Variants in NAALADL2 observed in about 807,000 individuals in gnomAD.
The protein encoded by NAALADL2 is N-acetylated alpha-linked acidic dipeptidase like 2.
NAALADL2 carries 76 observed loss-of-function variants against 87.2 expected under a neutral mutation model. The observed-to-expected ratio is 0.87, with a 90% CI of 0.72 to 1.05. The LOEUF is 1.05. NAALADL2 is among the 50% of genes least tolerant of loss of function. NAALADL2 has a pLI of 0.00. For synonymous variants in NAALADL2, 354 were observed against 331.0 expected, an observed-to-expected ratio of 1.07 and a Z score of -0.75; for missense variants, 1,089 against 945.8, an observed-to-expected ratio of 1.15 and a Z score of -1.99.
chr3:175,087,772 A>G (rs9813064), intron 1 of NAALADL2, among the ~76,000 whole-genome samples: 28,142 of 151,342 alleles, frequency 0.19, 2,649 homozygotes, highest in East Asian at 0.32. Flanking sequence ...AAACACTGCA[A>G]AAGGCCGCAG....
chr3:175,137,238 A>G (rs1471969286), intron 2 of NAALADL2, among the ~76,000 whole-genome samples: 1 of 152,188 alleles, frequency 6.6e-6, no homozygotes, highest in Non-Finnish European at 1.5e-5. Context: ...TACCATAATT[A>G]GCACATTGAT....
chr3:175,209,756 A>G (rs1741489761), intron 2 of NAALADL2, among the ~76,000 whole-genome samples: 1 of 151,854 alleles, frequency 6.6e-6, no homozygotes, highest in South Asian at 2.1e-4. Context: ...GAAGGTCCTC[A>G]TAAATGATGG....
At chr3:175,345,686 G>A (rs1763081892) in intron 5 of NAALADL2, among the ~76,000 whole-genome samples, 1 of 152,108 alleles carries the variant, frequency 6.6e-6, no homozygotes, top group African/African-American at 2.4e-5. Flanking sequence ...GTCTATTTGG[G>A]CAAAGAGAAG....
chr3:174,569,061 A>G (rs1714622674), intron 2 of NAALADL2, among the ~76,000 whole-genome samples: 1 of 151,612 alleles, frequency 6.6e-6, no homozygotes, highest in Non-Finnish European at 1.5e-5. Flanking sequence ...TGAATTTTTC[A>G]AAATTTCAGC....
intron 6 of NAALADL2, among the ~76,000 whole-genome samples, chr3:175,462,687 C>T (rs1723323857): frequency 6.6e-6 from 1 of 152,174 alleles, no homozygotes; most frequent in South Asian, 2.1e-4. Context: ...GGGATTAACA[C>T]ATTTCATCTC....
intron 1 of NAALADL2, among the ~76,000 whole-genome samples, chr3:174,909,449 A>G (rs1733399491): frequency 6.6e-6 from 1 of 152,132 alleles, no homozygotes; most frequent in East Asian, 1.9e-4. Context: ...CAAACTCATG[A>G]TCATATATTT....
chr3:175,303,021 A>T (rs984246852), intron 4 of NAALADL2, among the ~76,000 whole-genome samples: 10 of 152,172 alleles, frequency 6.6e-5, no homozygotes, highest in African/African-American at 2.4e-4. Context: ...ATTGACAGGT[A>T]CAATGAATAA....
At chr3:175,201,111 T>C (rs1010064848) in intron 2 of NAALADL2, among the ~76,000 whole-genome samples, 1 of 152,206 alleles carries the variant, frequency 6.6e-6, no homozygotes, top group African/African-American at 2.4e-5. Flanking sequence ...TGTTTTTGTT[T>C]TTTAAATGTC....
intron 9 of NAALADL2, among the ~76,000 whole-genome samples, chr3:175,507,942 G>T (rs1160566291): frequency 6.6e-6 from 1 of 152,114 alleles, no homozygotes; most frequent in African/African-American, 2.4e-5. Flanking sequence ...AAGAAAAGAG[G>T]TTTAATTGGC....
At chr3:174,465,435 C>T (rs550307452) in intron 1 of NAALADL2, among the ~76,000 whole-genome samples, 2 of 152,094 alleles carry the variant, frequency 1.3e-5, no homozygotes, top group Non-Finnish European at 2.9e-5. Context: ...AACATCTTTT[C>T]TTATAAATTC....
chr3:175,057,063 T>C (rs1264532608), intron 1 of NAALADL2, among the ~76,000 whole-genome samples: 1 of 152,198 alleles, frequency 6.6e-6, no homozygotes, highest in Non-Finnish European at 1.5e-5. Context: ...TGCTTTCACA[T>C]TGACTACTTT....
At chr3:175,182,207 G>A (rs10212564) in intron 2 of NAALADL2, among the ~76,000 whole-genome samples, 110,226 of 151,794 alleles carry the variant, frequency 0.73, 40,664 homozygotes, top group Non-Finnish European at 0.8. Flanking sequence ...TTGGAAAAAT[G>A]TCTATTCAAG....
chr3:175,175,407 TG>T (rs1426292730), intron 2 of NAALADL2, among the ~76,000 whole-genome samples: 1 of 152,090 alleles, frequency 6.6e-6, no homozygotes, highest in Non-Finnish European at 1.5e-5. Context: ...CTATGTTGGT[TG>T]GTATTTTTAA....
rs74542005 is a variant in NAALADL2 at position 175,578,084 on chromosome 3, A to G, written c.1800+1897A>G. Among the ~76,000 whole-genome samples the G allele has an allele frequency of 5.2e-3, 789 of 151,770 alleles. 10 individuals are homozygous for G. Among genetic ancestry groups the G allele is most frequent in the African/African-American group, 0.018 (741 of 41,450 alleles). On this transcript the variant is annotated intron_variant, in intron 10 of 13. Transcript: ENST00000454872. ...CGCTTCATGTTAATGGTCCAGTTAC[A>G]TTGGTTTCTGGGCTTCTGCTTTTTT...
intron 2 of NAALADL2, among the ~76,000 whole-genome samples, chr3:175,142,445 C>T (rs185913571): frequency 1.3e-5 from 2 of 152,092 alleles, no homozygotes; most frequent in Admixed American, 1.3e-4. Context: ...CTCTCAACAA[C>T]CTTATGAAGT....
At chr3:175,623,402 C>T (rs1298638485) in intron 10 of NAALADL2, among the ~76,000 whole-genome samples, 1 of 152,052 alleles carries the variant, frequency 6.6e-6, no homozygotes, top group Non-Finnish European at 1.5e-5. Flanking sequence ...TTGAGGTCTG[C>T]TCTTAGAAGC....
intron 11 of NAALADL2, among the ~76,000 whole-genome samples, chr3:175,697,738 T>C (rs933696244): frequency 6.7e-6 from 1 of 148,526 alleles, no homozygotes; most frequent in Non-Finnish European, 1.5e-5. Context: ...TTTATATATT[T>C]ACATACACAC....
chr3:175,558,322 G>C (rs1019268076), intron 9 of NAALADL2, among the ~76,000 whole-genome samples: 1 of 151,802 alleles, frequency 6.6e-6, no homozygotes, highest in Middle Eastern at 3.2e-3. Context: ...TATATATTCT[G>C]GTTGTTAATC....
At chr3:175,767,565 C>T (rs776233413) in intron 13 of NAALADL2, 5 of 152,044 alleles carry the variant, frequency 3.3e-5, no homozygotes, top group Non-Finnish European at 5.9e-5. Context: ...GAAATGCTCA[C>T]TTTGGTATCA....
Sources: gnomAD v4.1 joint callset for allele counts (sites outside exome capture counted in the v4.1 genomes callset) on GRCh38, gnomAD v4.1.1 for gene constraint, MANE v1.5 for transcripts, NCBI Gene and HGNC (gene_info 2026-07-23, HGNC 2026-07-21) for gene names.